Variants in SLC16A4 observed in about 807,000 individuals in gnomAD.
SLC16A4 encodes solute carrier family 16 member 4.
In SLC16A4, 39 loss-of-function variants were observed where a neutral mutation model predicts 47.9. The observed-to-expected ratio is 0.81, with a 90% CI of 0.63 to 1.06. The LOEUF is 1.06. Ranked by LOEUF, SLC16A4 falls within the 50% of genes least tolerant of loss-of-function variation. The pLI, the probability that SLC16A4 is intolerant of heterozygous loss-of-function variation, is 0.00. For missense variants in SLC16A4, 524 were observed against 573.8 expected (o/e 0.91, Z 0.89); for synonymous variants, 189 against 199.9 (o/e 0.95, Z 0.46).
chr1:110,369,136 G>A (rs1240325201), intron 8 of SLC16A4, among the ~76,000 whole-genome samples: 1 of 151,854 alleles, frequency 6.6e-6, no homozygotes, highest in Admixed American at 6.6e-5. Context: ...TGTATTTTTA[G>A]TAGAGACGGG....
At chr1:110,376,439 T>C (rs1662007105) in intron 7 of SLC16A4, among the ~76,000 whole-genome samples, 1 of 152,150 alleles carries the variant, frequency 6.6e-6, no homozygotes, top group South Asian at 2.1e-4. Flanking sequence ...GTATAAGTAT[T>C]TTGGTTCCAT....
intron 8 of SLC16A4, among the ~76,000 whole-genome samples, chr1:110,374,742 A>G (rs1661888863): frequency 6.6e-6 from 1 of 152,250 alleles, no homozygotes; most frequent in African/African-American, 2.4e-5. Flanking sequence ...CTTGTATATA[A>G]TAATTTCCAA....
At chr1:110,376,210 G>GT (rs1454057483) in intron 7 of SLC16A4, among the ~76,000 whole-genome samples, 2 of 152,126 alleles carry the variant, frequency 1.3e-5, no homozygotes, top group African/African-American at 4.8e-5. Context: ...CTAAGGCTAA[G>GT]TATCAACCAT....
intron 5 of SLC16A4, among the ~76,000 whole-genome samples, chr1:110,380,555 G>A (rs1026205231): frequency 1.3e-5 from 2 of 148,544 alleles, no homozygotes; most frequent in African/African-American, 2.5e-5. Context: ...CAGTGAGTCC[G>A]ATGGGGGAGG....
At chr1:110,378,564 T>C (rs1662151906) in intron 6 of SLC16A4, among the ~76,000 whole-genome samples, 5 of 152,178 alleles carry the variant, frequency 3.3e-5, no homozygotes, top group Admixed American at 3.3e-4. Context: ...CTTTTTGAAA[T>C]TTCCGCATTT....
intron 7 of SLC16A4, among the ~76,000 whole-genome samples, chr1:110,376,295 A>G (rs1661995042): frequency 6.6e-6 from 1 of 152,198 alleles, no homozygotes; most frequent in Non-Finnish European, 1.5e-5. Context: ...TGCACTTCAT[A>G]TAATATCCTG....
At chr1:110,388,416 A>G (rs1662847489) in intron 2 of SLC16A4, among the ~76,000 whole-genome samples, 1 of 152,158 alleles carries the variant, frequency 6.6e-6, no homozygotes, top group Admixed American at 6.5e-5. Context: ...GATAGCATAA[A>G]CTATAGTTAG....
At chr1:110,385,306 G>A (rs1662676296) in intron 2 of SLC16A4, among the ~76,000 whole-genome samples, 1 of 152,196 alleles carries the variant, frequency 6.6e-6, no homozygotes, top group South Asian at 2.1e-4. Context: ...TGATGGGGGA[G>A]GCGGCATTGG....
intron 8 of SLC16A4, among the ~76,000 whole-genome samples, chr1:110,364,499 CTTTTTTTTT>C (rs34416973): frequency 1.9e-5 from 2 of 104,678 alleles, no homozygotes; most frequent in South Asian, 3.2e-4. Context: ...AATCTAAATG[CTTTTTTTTT>C]TTTTTTTTTT....
intron 7 of SLC16A4, among the ~76,000 whole-genome samples, chr1:110,376,430 T>TATA (rs1662006793): frequency 6.6e-6 from 1 of 152,178 alleles, no homozygotes; most frequent in Non-Finnish European, 1.5e-5. Flanking sequence ...GAAGTGTTTG[T>TATA]ATAAGTATTT....
chr1:110,369,103 C>G (rs1025411923), intron 8 of SLC16A4, among the ~76,000 whole-genome samples: 1 of 151,838 alleles, frequency 6.6e-6, no homozygotes, highest in Non-Finnish European at 1.5e-5. Flanking sequence ...TACAGGTGCA[C>G]ACCACTACGC....
At position 110,363,742 on chromosome 1, in the gene SLC16A4, C is replaced by T; in HGVS notation, c.*24G>A. ...TTTAGGTTTTCTTTTGTTTAGCTCT[C>T]ACTTGATTGCAGTCTTCTTTCTTTC... On this transcript the variant is annotated 3_prime_UTR_variant, in exon 9 of 9. Transcript: ENST00000369779. 1 of 1,582,570 alleles carries T rather than the reference C, an allele frequency of 6.3e-7. No homozygotes were observed. Among genetic ancestry groups the T allele is most frequent in the South Asian group, 1.2e-5 (1 of 84,084 alleles).
Position 110,363,116 on chromosome 1 carries a change from A to G in SLC16A4, c.*650T>C, listed in dbSNP as rs1055632484. 6.6e-6 allele frequency: 1 copy of G among 152,216 alleles called. No homozygotes were observed. Among genetic ancestry groups the G allele is most frequent in the Non-Finnish European group, 1.5e-5 (1 of 68,044 alleles). The allele number at this position is 152,216 out of a possible 1,614,324, so 9.4% of individuals were successfully genotyped here. A position where few individuals can be genotyped will look rare whatever the true frequency, so the allele number is the denominator to read the frequency against. On this transcript the variant is annotated 3_prime_UTR_variant, in exon 9 of 9. Transcript: ENST00000369779. ...GCTATGTTTCACACTTCTTTAAATTAAAAAATTTTCTATCTTTACATATTT... is the reference window on the plus strand; with the variant it reads ...GCTATGTTTCACACTTCTTTAAATTGAAAAATTTTCTATCTTTACATATTT...
At chr1:110,383,805 G>GGTT (rs1557913543) in intron 2 of SLC16A4, among the ~76,000 whole-genome samples, 14 of 65,756 alleles carry the variant, frequency 2.1e-4, no homozygotes, top group African/African-American at 7.3e-4. Flanking sequence ...TTAAAAGGAG[G>GGTT]TTTTTTTTTT....
At chr1:110,376,897 G>T in intron 7 of SLC16A4, 53 bp downstream of exon 7, 1 of 1,421,948 alleles carries the variant, frequency 7.0e-7, no homozygotes, top group Non-Finnish European at 9.8e-7. Flanking sequence ...GATTGTTACT[G>T]ATACTTGCTT....
chr1:110,366,334 A>G (rs892187321), intron 8 of SLC16A4, among the ~76,000 whole-genome samples: 7 of 151,466 alleles, frequency 4.6e-5, no homozygotes, highest in Non-Finnish European at 7.4e-5. Flanking sequence ...ATTTTTTTGT[A>G]TTTTTAGTAG....
chr1:110,380,655 G>A (rs1662326554), intron 5 of SLC16A4, among the ~76,000 whole-genome samples: 1 of 151,474 alleles, frequency 6.6e-6, no homozygotes. Flanking sequence ...GAAGGGGGAA[G>A]CCTTATTTCC....
At chr1:110,379,633 AG>A (rs753212340) in intron 5 of SLC16A4, among the ~76,000 whole-genome samples, 1 of 152,048 alleles carries the variant, frequency 6.6e-6, no homozygotes, top group Non-Finnish European at 1.5e-5. Flanking sequence ...AAGTTTTTGG[AG>A]GGAGAGGAGA....
intron 8 of SLC16A4, among the ~76,000 whole-genome samples, chr1:110,369,026 C>T (rs1160579417): frequency 6.6e-6 from 1 of 150,754 alleles, no homozygotes; most frequent in Non-Finnish European, 1.5e-5. Context: ...GCAATCTCGG[C>T]TCACTGCAAC....
Sources: gnomAD v4.1 joint callset for allele counts (sites outside exome capture counted in the v4.1 genomes callset) on GRCh38, gnomAD v4.1.1 for gene constraint, MANE v1.5 for transcripts, NCBI Gene and HGNC (gene_info 2026-07-23, HGNC 2026-07-21) for gene names.